The following SLC44A5 variants were observed in gnomAD, a reference collection of about 807,000 sequenced individuals.
SLC44A5 encodes the protein choline transporter-like protein 5.
Under a neutral mutation model 101.8 loss-of-function variants are expected in SLC44A5, and 57 were observed. The observed-to-expected ratio is 0.56, with a 90% CI of 0.45 to 0.70. SLC44A5 has a LOEUF of 0.70. SLC44A5 is among the 30% of genes least tolerant of loss of function. SLC44A5 has a pLI of 0.00. For missense variants in SLC44A5, 737 were observed against 853.1 expected (o/e 0.86, Z 1.70); for synonymous variants, 281 against 290.9 (o/e 0.97, Z 0.35).
chr1:75,449,068 ATCAGTTCTCCAC>A (rs1232703534), intron 2 of SLC44A5, among the ~76,000 whole-genome samples: 1 of 152,164 alleles, frequency 6.6e-6, no homozygotes, highest in East Asian at 1.9e-4. Context: ...TGACTTATAC[ATCAGTTCTCCAC>A]TCCCAACTGC....
chr1:75,557,585 A>G (rs1672289351), intron 1 of SLC44A5, among the ~76,000 whole-genome samples: 1 of 152,152 alleles, frequency 6.6e-6, no homozygotes, highest in Non-Finnish European at 1.5e-5. Flanking sequence ...ATCTGGGTAT[A>G]AACAGGAGGC....
intron 11 of SLC44A5, among the ~76,000 whole-genome samples, chr1:75,234,426 T>G (rs188282919): frequency 6.6e-6 from 1 of 152,064 alleles, no homozygotes; most frequent in Non-Finnish European, 1.5e-5. Flanking sequence ...CATGTCTTAT[T>G]TTTTCCCTTC....
At chr1:75,522,632 A>G (rs1670198593) in intron 2 of SLC44A5, among the ~76,000 whole-genome samples, 1 of 152,176 alleles carries the variant, frequency 6.6e-6, no homozygotes, top group Non-Finnish European at 1.5e-5. Flanking sequence ...CTCTTTAGTC[A>G]TATGCATAAT....
chr1:75,432,030 A>T (rs2101598581), intron 2 of SLC44A5, among the ~76,000 whole-genome samples: 1 of 152,286 alleles, frequency 6.6e-6, no homozygotes, highest in South Asian at 2.1e-4. Context: ...AAGCCAGTTC[A>T]TGTCAATAAT....
At chr1:75,652,327 T>C in the SLC44A5 span, among the ~76,000 whole-genome samples, 2 of 152,284 alleles carry the variant, frequency 1.3e-5, no homozygotes, top group East Asian at 3.9e-4. Context: ...CTCTTCCAAG[T>C]GTACTTTACA....
chr1:75,251,364 A>G, intron 6 of SLC44A5, 70 bp from the exon 7 acceptor site: 4 of 1,261,726 alleles, frequency 3.2e-6, no homozygotes, highest in Non-Finnish European at 2.2e-6. Flanking sequence ...GACCCTGAAC[A>G]CTTTTTATAA....
intron 7 of SLC44A5, among the ~76,000 whole-genome samples, chr1:75,243,488 A>G (rs1001719839): frequency 1.2e-4 from 18 of 152,022 alleles, no homozygotes; most frequent in African/African-American, 4.3e-4. Flanking sequence ...TGTACTAGTT[A>G]CCAATCTCTA....
At chr1:75,289,720 A>T (rs1653375886) in intron 5 of SLC44A5, among the ~76,000 whole-genome samples, 1 of 152,178 alleles carries the variant, frequency 6.6e-6, no homozygotes, top group East Asian at 1.9e-4. Flanking sequence ...ATTAAACCAG[A>T]TTTATAGACG....
At chr1:75,384,067 G>A (rs1176317993) in intron 3 of SLC44A5, among the ~76,000 whole-genome samples, 2 of 151,346 alleles carry the variant, frequency 1.3e-5, no homozygotes, top group Non-Finnish European at 2.9e-5. Context: ...CACTAAACAT[G>A]GAAAGGAACT....
the SLC44A5 span, among the ~76,000 whole-genome samples, chr1:75,659,488 G>T: frequency 1.4e-5 from 1 of 71,816 alleles, no homozygotes; most frequent in Non-Finnish European, 3.0e-5. Context: ...AAGGAAGGAA[G>T]GAAGGCAGGC....
intron 5 of SLC44A5, among the ~76,000 whole-genome samples, chr1:75,299,749 G>A (rs1654271800): frequency 6.6e-6 from 1 of 151,930 alleles, no homozygotes; most frequent in Admixed American, 6.6e-5. Flanking sequence ...AGTAGCTCAT[G>A]CCTGTAATCC....
chr1:75,637,748 C>T, the SLC44A5 span, among the ~76,000 whole-genome samples: 22 of 151,560 alleles, frequency 1.5e-4, no homozygotes, highest in Non-Finnish European at 3.1e-4. Flanking sequence ...TTATCAATTC[C>T]GGGTCAAACT....
upstream of SLC44A5, among the ~76,000 whole-genome samples, chr1:75,615,600 A>G (rs987505766): frequency 1.3e-5 from 2 of 152,092 alleles, no homozygotes; most frequent in Non-Finnish European, 2.9e-5. Context: ...CGAGTAGCAA[A>G]GGGGTGGGGT....
At chr1:75,348,945 T>C (rs1658442934) in intron 3 of SLC44A5, among the ~76,000 whole-genome samples, 1 of 152,152 alleles carries the variant, frequency 6.6e-6, no homozygotes, top group Admixed American at 6.5e-5. Flanking sequence ...GGTAGATAAA[T>C]TTGACATCAG....
At chr1:75,304,494 G>A (rs1039543880) in intron 4 of SLC44A5, among the ~76,000 whole-genome samples, 1 of 152,166 alleles carries the variant, frequency 6.6e-6, no homozygotes. Flanking sequence ...GTGAGTCAAG[G>A]AAAGTAGCAG....
At chr1:75,593,368 C>T (rs902643423) in intron 1 of SLC44A5, among the ~76,000 whole-genome samples, 14 of 152,142 alleles carry the variant, frequency 9.2e-5, no homozygotes, top group African/African-American at 2.9e-4. Context: ...GAAAAGGGAA[C>T]CCTTGTACAC....
chr1:75,217,817 C>G (rs746439513), intron 18 of SLC44A5, 49 bp downstream of exon 18: 7 of 1,260,128 alleles, frequency 5.6e-6, no homozygotes, highest in Non-Finnish European at 7.0e-6. Flanking sequence ...CCCCCAACCC[C>G]CAACCCAATT....
intron 3 of SLC44A5, among the ~76,000 whole-genome samples, chr1:75,367,329 G>A (rs983768071): frequency 1.3e-5 from 2 of 152,134 alleles, no homozygotes; most frequent in Non-Finnish European, 1.5e-5. Flanking sequence ...GCTTAGGTAG[G>A]CATATCTCCT....
At chr1:75,385,078 A>G (rs1661208301) in intron 3 of SLC44A5, among the ~76,000 whole-genome samples, 1 of 152,250 alleles carries the variant, frequency 6.6e-6, no homozygotes, top group Admixed American at 6.5e-5. Flanking sequence ...GGAAATACAT[A>G]GCACTAAATG....
Sources: allele counts gnomAD v4.1 joint callset (sites outside exome capture counted in the v4.1 genomes callset), GRCh38; gene constraint gnomAD v4.1.1; transcripts MANE v1.5; gene names NCBI Gene and HGNC (gene_info 2026-07-23, HGNC 2026-07-21).